The following TBC1D19 variants were observed in gnomAD, a reference collection of about 807,000 sequenced individuals.
The protein encoded by TBC1D19 is TBC1 domain family, member 19.
TBC1D19 carries 60 observed loss-of-function variants against 89.0 expected under a neutral mutation model. The ratio of observed to expected loss-of-function variants is 0.67; its 90% CI spans 0.55 to 0.84. TBC1D19 has a LOEUF of 0.84. Among genes scored for constraint, TBC1D19 ranks in the 40% least tolerant of loss-of-function variants. The pLI is 0.00. For missense variants in TBC1D19, 500 were observed against 610.8 expected, an observed-to-expected ratio of 0.82 and a Z score of 1.91; for synonymous variants, 189 against 199.7, an observed-to-expected ratio of 0.95 and a Z score of 0.45.
intron 4 of TBC1D19, among the ~76,000 whole-genome samples, chr4:26,623,391 C>T (rs1310147291): frequency 6.6e-6 from 1 of 152,128 alleles, no homozygotes; most frequent in Admixed American, 6.6e-5. Context: ...CATTGTCTGT[C>T]TTCCATTTAG....
intron 4 of TBC1D19, among the ~76,000 whole-genome samples, chr4:26,627,383 A>G (rs1742488533): frequency 6.6e-6 from 1 of 152,198 alleles, no homozygotes; most frequent in Admixed American, 6.5e-5. Context: ...AGCATGATTT[A>G]TAATCCTTTG....
the TBC1D19 span, among the ~76,000 whole-genome samples, chr4:26,837,442 C>A: frequency 6.6e-6 from 1 of 152,116 alleles, no homozygotes; most frequent in Non-Finnish European, 1.5e-5. Context: ...CAATTTTCCC[C>A]CTGTTTAACT....
chr4:26,633,771 A>G (rs1051611114), intron 4 of TBC1D19, among the ~76,000 whole-genome samples: 8 of 152,126 alleles, frequency 5.3e-5, no homozygotes, highest in African/African-American at 1.9e-4. Flanking sequence ...TCAGCCAGAT[A>G]TCCTTTTTCC....
chr4:26,738,512 T>G (rs1718169665), intron 16 of TBC1D19, among the ~76,000 whole-genome samples: 1 of 151,910 alleles, frequency 6.6e-6, no homozygotes, highest in Admixed American at 6.6e-5. Context: ...ATATATGAAA[T>G]ATCCTAATTT....
intron 4 of TBC1D19, among the ~76,000 whole-genome samples, chr4:26,631,033 A>T (rs1200566831): frequency 2.6e-5 from 4 of 152,024 alleles, no homozygotes; most frequent in Admixed American, 2.0e-4. Flanking sequence ...TGACCATCCA[A>T]GATTTCAATG....
intron 8 of TBC1D19, among the ~76,000 whole-genome samples, chr4:26,665,376 G>A (rs766337160): frequency 8.6e-5 from 13 of 151,934 alleles, no homozygotes; most frequent in Non-Finnish European, 1.8e-4. Context: ...TAAAGGACAA[G>A]GAAGTATGGG....
At chr4:26,645,058 T>C (rs1560441024) in intron 7 of TBC1D19, among the ~76,000 whole-genome samples, 1 of 150,512 alleles carries the variant, frequency 6.6e-6, no homozygotes, top group East Asian at 1.9e-4. Flanking sequence ...AGAATCAAAA[T>C]CGTGAAAATG....
chr4:26,690,232 G>A (rs1714156469), intron 13 of TBC1D19, among the ~76,000 whole-genome samples: 1 of 152,188 alleles, frequency 6.6e-6, no homozygotes, highest in Non-Finnish European at 1.5e-5. Context: ...ATAATTGAAA[G>A]CTAGCAAAGG....
chr4:26,709,686 A>C (rs796267525), intron 13 of TBC1D19, among the ~76,000 whole-genome samples: 5 of 152,072 alleles, frequency 3.3e-5, no homozygotes, highest in African/African-American at 1.2e-4. Flanking sequence ...AAATTAACTG[A>C]AATTTACCAT....
chr4:26,765,714 G>A, the TBC1D19 span, among the ~76,000 whole-genome samples: 1 of 152,102 alleles, frequency 6.6e-6, no homozygotes, highest in Admixed American at 6.6e-5. Flanking sequence ...ATCAAAGTCA[G>A]CTGCTTCTTA....
chr4:26,775,923 T>A, the TBC1D19 span, among the ~76,000 whole-genome samples: 1 of 152,194 alleles, frequency 6.6e-6, no homozygotes, highest in African/African-American at 2.4e-5. Flanking sequence ...TTCATTCCCA[T>A]GCAGTTTTTA....
intron 1 of TBC1D19, among the ~76,000 whole-genome samples, chr4:26,596,272 T>G (rs1323565287): frequency 6.6e-6 from 1 of 152,172 alleles, no homozygotes; most frequent in Non-Finnish European, 1.5e-5. Flanking sequence ...AGATTGCATT[T>G]TGATAGATAT....
intron 9 of TBC1D19, among the ~76,000 whole-genome samples, chr4:26,670,819 T>G (rs754694738): frequency 1.3e-5 from 2 of 151,706 alleles, no homozygotes; most frequent in African/African-American, 2.4e-5. Context: ...TGAAATCATA[T>G]AGTATATACT....
At chr4:26,668,743 C>T (rs1363886471) in intron 9 of TBC1D19, among the ~76,000 whole-genome samples, 3 of 151,810 alleles carry the variant, frequency 2.0e-5, no homozygotes, top group Non-Finnish European at 4.4e-5. Context: ...TAAGTTTAAG[C>T]GTGGCTTAAG....
chr4:26,712,186 A>G (rs575420818), intron 13 of TBC1D19, among the ~76,000 whole-genome samples: 5 of 152,100 alleles, frequency 3.3e-5, no homozygotes, highest in African/African-American at 9.6e-5. Flanking sequence ...CCCTAATTAT[A>G]TATGTTTATT....
chr4:26,810,738 T>C, the TBC1D19 span, among the ~76,000 whole-genome samples: 1 of 152,282 alleles, frequency 6.6e-6, no homozygotes, highest in Admixed American at 6.5e-5. Flanking sequence ...CGCACGTCCC[T>C]CTTCTGTGCT....
At chr4:26,769,308 C>T in the TBC1D19 span, among the ~76,000 whole-genome samples, 1 of 151,618 alleles carries the variant, frequency 6.6e-6, no homozygotes, top group African/African-American at 2.4e-5. Flanking sequence ...GTCCTTCAAG[C>T]AGAAGAAAAA....
At chr4:26,597,369 GTTA>G (rs1740290807) in intron 1 of TBC1D19, among the ~76,000 whole-genome samples, 2 of 152,120 alleles carry the variant, frequency 1.3e-5, no homozygotes, top group South Asian at 4.1e-4. Context: ...TTTGTATGGT[GTTA>G]TTATAGCTGC....
the TBC1D19 span, among the ~76,000 whole-genome samples, chr4:26,768,127 G>A: frequency 6.6e-6 from 1 of 152,162 alleles, no homozygotes; most frequent in Admixed American, 6.5e-5. Flanking sequence ...ATGCACATGA[G>A]GAACCTATCC....
Sources: gnomAD v4.1 joint callset for allele counts (sites outside exome capture counted in the v4.1 genomes callset) on GRCh38, gnomAD v4.1.1 for gene constraint, MANE v1.5 for transcripts, NCBI Gene and HGNC (gene_info 2026-07-23, HGNC 2026-07-21) for gene names.